Variants in TRIM21 observed in about 807,000 individuals in gnomAD.
The protein encoded by TRIM21 is E3 ubiquitin-protein ligase TRIM21.
A neutral mutation model predicts 36.1 loss-of-function variants in TRIM21; 35 were observed. The observed-to-expected ratio is 0.97, with a 90% confidence interval of 0.74 to 1.28. The LOEUF (loss-of-function observed/expected upper bound fraction) is 1.28, where lower values mean the gene tolerates loss of function less well. TRIM21 is among the 50% of genes most tolerant of loss of function. The pLI is 0.00. For missense variants in TRIM21, 635 were observed against 570.7 expected (o/e 1.11, Z -1.15); for synonymous variants, 256 against 211.5 (o/e 1.21, Z -1.83).
At position 4,388,392 on chromosome 11, in the gene TRIM21, CT is replaced by C; in HGVS notation, c.642del (p.Glu215ArgfsTer18). On this transcript the variant is annotated frameshift_variant, in exon 4 of 7. Transcript: ENST00000254436. LOFTEE classifies it high-confidence loss of function. The stretch of plus-strand genomic sequence containing the variant: ...TGGCTCTGCTGGGCCAGCTTGGCCT[CT>C]TTCTCCCCCAGGATTCTCAGCTGCT... The part of the protein sequence containing the change: ...EREQLRILGE[K>X]EAKLAQQSQA... 6.2e-7 allele frequency: 1 copy of C among 1,613,972 alleles called. No individual in the cohort carries two copies. Among genetic ancestry groups the C allele is most frequent in the Non-Finnish European group, 8.5e-7 (1 of 1,179,886 alleles).
At chr11:4,386,064 T>C (rs2094955976) in intron 6 of TRIM21, 93 bp downstream of exon 6, 4 of 1,281,532 alleles carry the variant, frequency 3.1e-6, no homozygotes, top group Admixed American at 1.8e-5. Context: ...TGCTCTGACC[T>C]GCCATCTCTC....
chr11:4,387,756 G>A (rs935063416), intron 4 of TRIM21, among the ~76,000 whole-genome samples: 5 of 152,048 alleles, frequency 3.3e-5, no homozygotes, highest in East Asian at 1.9e-4. Flanking sequence ...GCTTGAACCC[G>A]GGAGGCGGAG....
chr11:4,387,495 C>T (rs916738352), intron 4 of TRIM21, among the ~76,000 whole-genome samples: 18 of 152,042 alleles, frequency 1.2e-4, no homozygotes, highest in African/African-American at 2.4e-4. Context: ...ATATTTTTGT[C>T]GTAGGGATTA....
At chr11:4,388,626 T>A in intron 3 of TRIM21, 96 bp from the exon 4 acceptor site, 3 of 1,180,904 alleles carry the variant, frequency 2.5e-6, no homozygotes, top group Non-Finnish European at 3.7e-6. Flanking sequence ...CCCAAGAGAC[T>A]CCACTCTGTG....
chr11:4,392,538 G>A, intron 1 of TRIM21, among the ~76,000 whole-genome samples: 1 of 119,636 alleles, frequency 8.4e-6, no homozygotes, highest in Non-Finnish European at 1.8e-5. Context: ...TTGCACTCCA[G>A]CCTGGGTGAC....
At chr11:4,388,632 C>G in intron 3 of TRIM21, 102 bp from the exon 4 acceptor site, 2 of 1,106,464 alleles carry the variant, frequency 1.8e-6, no homozygotes, top group Non-Finnish European at 2.6e-6. Context: ...AGACTCCACT[C>G]TGTGCTGTCT....
chr11:4,391,234 A>T (rs971915454), intron 1 of TRIM21, among the ~76,000 whole-genome samples: 2 of 152,236 alleles, frequency 1.3e-5, no homozygotes, highest in African/African-American at 2.4e-5. Context: ...ATAGGAAAAA[A>T]AATAATAATC....
chr11:4,391,305 C>A (rs932101079), intron 1 of TRIM21, among the ~76,000 whole-genome samples: 2 of 152,146 alleles, frequency 1.3e-5, no homozygotes, highest in Admixed American at 1.3e-4. Context: ...ATACAAATGA[C>A]AAACAGGCAT....
Position 4,386,257 on chromosome 11 carries a change from C to T in TRIM21, c.759G>A (p.Arg253=). Residue 253 remains arginine (R), a splice_region_variant and synonymous_variant, in exon 6 of 7, where the codon AGG becomes AGA. Coordinates refer to ENST00000254436, the MANE Select transcript of TRIM21 (RefSeq NM_003141.4). ...GGTCCTTCAGGTTCCAGGACTCACT[C>T]CTGGGGGAAAGAGAGTTTGAGACTC... ...LLQEVIIVLE[R]SESWNLKDLD... The T allele has an allele frequency of 6.2e-7, 1 of 1,613,404 alleles. No homozygotes were observed. Among genetic ancestry groups the T allele is most frequent in the Admixed American group, 1.7e-5 (1 of 60,020 alleles).
intron 4 of TRIM21, among the ~76,000 whole-genome samples, chr11:4,387,829 C>A (rs970465219): frequency 7.4e-6 from 1 of 135,826 alleles, no homozygotes; most frequent in African/African-American, 2.9e-5. Context: ...GAAACTCTGT[C>A]TCATAAATAA....
At position 4,386,160 on chromosome 11, in the gene TRIM21, C is replaced by T; in HGVS notation, c.856G>A (p.Ala286Thr). ...GCAAAACTAGAACTTGCCTCACCTG[C>T]ACATGTCCTCAGCATCTTCTTCAGC... is the stretch of plus-strand genomic sequence containing the variant. ...PGLKKMLRTC[A>T]VHITLDPDTA... Residue 286 changes from alanine to threonine, a missense_variant, in exon 6 of 7, where the codon GCA (alanine) becomes ACA (threonine). Transcript: ENST00000254436. The T allele has an allele frequency of 2.5e-6, 4 of 1,613,028 alleles. No homozygotes were observed. The highest frequency in any genetic ancestry group is 2.2e-5 in the South Asian group (2 of 91,036).
chr11:4,386,007 C>T, intron 6 of TRIM21, 150 bp downstream of exon 6: 1 of 1,065,564 alleles, frequency 9.4e-7, no homozygotes, highest in Non-Finnish European at 1.4e-6. Flanking sequence ...GGCCTTGGTC[C>T]TGACCTCTGA....
chr11:4,388,411 C>G lies in TRIM21; in HGVS notation c.624G>C (p.Leu208=), dbSNP rs377501023. ...TGGCCTCTTTCTCCCCCAGGATTCT[C>G]AGCTGCTCCCTCTCATCCTTCTCCA... The part of the protein sequence containing the change: ...QELEKDEREQ[L]RILGEKEAKL... Residue 208 remains leucine, a synonymous_variant, in exon 4 of 7, where the codon CTG becomes CTC. Coordinates refer to ENST00000254436, the MANE Select transcript of TRIM21 (RefSeq NM_003141.4). The G allele has an allele frequency of 6.2e-7, 1 of 1,613,862 alleles. No homozygotes were observed. Among genetic ancestry groups the G allele is most frequent in the African/African-American group, 1.3e-5 (1 of 74,944 alleles).
chr11:4,390,477 G>GT lies in TRIM21; in HGVS notation c.-49-20_-49-19insA. 1 of 1,474,026 alleles carries GT rather than the reference G, an allele frequency of 6.8e-7. No homozygotes were observed. 91.3% of individuals were successfully genotyped at this position (1,474,026 alleles called of 1,614,324 possible). A position where few individuals can be genotyped will look rare whatever the true frequency, so the allele number is the denominator to read the frequency against. ...GGTTTGGCTGGGAGAGAAGAAGAAAGGGAAAAGAGAATATGAGAAAGTCTG... is the reference window on the plus strand; with the variant it reads ...GGTTTGGCTGGGAGAGAAGAAGAAAGTGGAAAAGAGAATATGAGAAAGTCTG... On this transcript the variant is annotated intron_variant, in intron 1 of 6. Transcript: ENST00000254436.
At chr11:4,393,526 G>T (rs2094965694) in intron 1 of TRIM21, 107 bp downstream of exon 1, 1 of 152,672 alleles carries the variant, frequency 6.5e-6, no homozygotes, top group Non-Finnish European at 1.5e-5. Flanking sequence ...AGGGGCAAAT[G>T]GGACCGGCTC....
At chr11:4,387,786 A>C (rs2094958096) in intron 4 of TRIM21, among the ~76,000 whole-genome samples, 1 of 152,072 alleles carries the variant, frequency 6.6e-6, no homozygotes, top group African/African-American at 2.4e-5. Flanking sequence ...AGCCAAGATC[A>C]CACCATTGCA....
rs372452966 is a variant in TRIM21 at position 4,388,334 on chromosome 11, C to T, written c.701G>A (p.Arg234Gln). 1.1e-5 allele frequency: 18 copies of T among 1,613,806 alleles called. No homozygotes were observed. Among genetic ancestry groups the T allele is most frequent in the South Asian group, 2.2e-5 (2 of 91,090 alleles). ...TTCCAGTGCTGAGCTGTGGCACCTT[C>T]GATCTAGCTCTGAGATGAGCTCCTG... The part of the protein sequence containing the change: ...ALQELISELD[R>Q]RCHSSALELL... The change falls in exon 4 of 7, where the codon CGA (arginine) becomes CAA (glutamine). Residue 234 changes from arginine (R) to glutamine (Q), a missense_variant. Transcript: ENST00000254436.
chr11:4,385,932 T>C, intron 6 of TRIM21, 79 bp from the exon 7 acceptor site: 1 of 1,391,004 alleles, frequency 7.2e-7, no homozygotes, highest in East Asian at 2.5e-5. Flanking sequence ...GGATTTTGTG[T>C]AAACTCCAGG....
Position 4,390,215 on chromosome 11 carries a change from G to A in TRIM21, c.195C>T (p.Pro65=). The A allele has an allele frequency of 6.2e-7, 1 of 1,614,004 alleles. No homozygotes were observed. Among genetic ancestry groups the A allele is most frequent in the Non-Finnish European group, 8.5e-7 (1 of 1,179,904 alleles). The change falls in exon 2 of 7, where the codon CCC becomes CCT. Residue 65 remains proline (P), a synonymous_variant. Coordinates refer to ENST00000254436, the MANE Select transcript of TRIM21 (RefSeq NM_003141.4). ...RQRFLLKNLR[P]NRQLANMVNN... Reference sequence around the variant, plus strand: ...TCACCATGTTGGCTAGCTGTCGATTGGGCCGGAGATTCTTGAGCAGAAAGC... The same window carrying A: ...TCACCATGTTGGCTAGCTGTCGATTAGGCCGGAGATTCTTGAGCAGAAAGC...
Sources: allele counts gnomAD v4.1 joint callset (sites outside exome capture counted in the v4.1 genomes callset), GRCh38; gene constraint gnomAD v4.1.1; transcripts MANE v1.5; gene names NCBI Gene and HGNC (gene_info 2026-07-23, HGNC 2026-07-21).